CCDC80: variants seen among roughly 807,000 people sequenced by gnomAD.
CCDC80 encodes the protein coiled-coil domain containing 80.
CCDC80 carries 49 observed loss-of-function variants against 78.7 expected under a neutral mutation model. The observed-to-expected ratio is 0.62, with a 90% CI of 0.50 to 0.79. The LOEUF (loss-of-function observed/expected upper bound fraction) is 0.79. Ranked by LOEUF, CCDC80 falls within the 30% of genes least tolerant of loss-of-function variation. The pLI is 0.00. For synonymous variants in CCDC80, 488 were observed against 447.0 expected, an observed-to-expected ratio of 1.09 and a Z score of -1.16; for missense variants, 1,205 against 1,198.6, an observed-to-expected ratio of 1.01 and a Z score of -0.08.
At chr3:112,640,078 G>T (rs1328074944) in intron 1 of CCDC80, 162 bp from the exon 2 acceptor site, 2 of 798,512 alleles carry the variant, frequency 2.5e-6, no homozygotes, top group Non-Finnish European at 3.0e-6. Flanking sequence ...GATGGAAAAT[G>T]GGATGAGATC....
intron 2 of CCDC80, among the ~76,000 whole-genome samples, chr3:112,635,834 A>G (rs573070684): frequency 6.6e-6 from 1 of 152,310 alleles, no homozygotes; most frequent in African/African-American, 2.4e-5. Flanking sequence ...ATTTGCTAGA[A>G]ATTTATAAGC....
In CCDC80 at chr3:112,638,015, G is replaced by A. The variant is rs779719135; in HGVS notation, c.1878+13C>T. 3.2e-6 allele frequency: 5 copies of A among 1,582,008 alleles called. No homozygotes were observed. Among genetic ancestry groups the A allele is most frequent in the Non-Finnish European group, 4.3e-6 (5 of 1,169,536 alleles). On this transcript the variant is annotated intron_variant, in intron 2 of 7. Coordinates refer to ENST00000206423, the MANE Select transcript of CCDC80 (RefSeq NM_199511.3). ...TCAGCCCATAGAAGAATGCCAAGGA[G>A]AAGGCTACTTACAAGGAGTCTTCGT...
At position 112,639,138 on chromosome 3, in the gene CCDC80, G is replaced by T; in HGVS notation, c.768C>A (p.Ala256=). The T allele has an allele frequency of 6.2e-7, 1 of 1,614,140 alleles. No homozygotes were observed. The highest frequency in any genetic ancestry group is 8.5e-7 in the Non-Finnish European group (1 of 1,180,036). Residue 256 remains alanine, a synonymous_variant, in exon 2 of 8, where the codon GCC becomes GCA. Transcript: ENST00000206423. ...ERYPYPVRLE[A]MYEVIDQGPI... ...GGCCTTGGTCGATGACCTCGTACAT[G>T]GCTTCCAGCCTAACGGGATATGGAT... is the stretch of plus-strand genomic sequence containing the variant.
At position 112,639,077 on chromosome 3, in the gene CCDC80, A is replaced by G; in HGVS notation, c.829T>C (p.Phe277Leu). Residue 277 changes from phenylalanine (F) to leucine (L), a missense_variant, in exon 2 of 8, where the codon TTT becomes CTT. By Grantham distance (22) the Phe-to-Leu change is conservative. Coordinates refer to ENST00000206423, the MANE Select transcript of CCDC80 (RefSeq NM_199511.3). ...RRIEKIRQKG[F>L]VQKCKASGVE... ...CCAGAGGCCTTACATTTCTGGACAA[A>G]GCCCTTCTGCCTGATCTTCTCGATC... The G allele has an allele frequency of 6.2e-7, 1 of 1,613,384 alleles. No individual in the cohort carries two copies. The highest frequency in any genetic ancestry group is 2.2e-5 in the East Asian group (1 of 44,862).
At position 112,626,833 on chromosome 3, in the gene CCDC80, C is replaced by A. The variant is rs545402729; in HGVS notation, c.2035+3280G>T. Among the ~76,000 whole-genome samples, 76 of 152,300 alleles carry A rather than the reference C, an allele frequency of 5.0e-4. 2 individuals are homozygous for A. The highest frequency in any genetic ancestry group is 3.4e-3 in the Middle Eastern group (1 of 294). On this transcript the variant is annotated intron_variant, in intron 3 of 7. Transcript: ENST00000206423. ...AAAGTATTGGGATTACAAGCATGAGCCACTGCACCTGGCGTACCATTCTCA... is the reference window on the plus strand; with the variant it reads ...AAAGTATTGGGATTACAAGCATGAGACACTGCACCTGGCGTACCATTCTCA...
In CCDC80 at chr3:112,632,148, G is replaced by A. The variant is rs761278772; in HGVS notation, c.1879-1879C>T. ...TTGGTTTGTTTTTAATTAGCTTTAT[G>A]GCATCTGAAAATATTTCTTCAGATC... On this transcript the variant is annotated intron_variant, in intron 2 of 7. Transcript: ENST00000206423. Among the ~76,000 whole-genome samples, 3 of 152,052 alleles carry A rather than the reference G, an allele frequency of 2.0e-5. No homozygotes were observed. In the South Asian group the frequency reaches 6.2e-4, roughly 32 times the overall value.
At chr3:112,610,915 C>CT (rs11379147) in intron 5 of CCDC80, among the ~76,000 whole-genome samples, 63,296 of 123,182 alleles carry the variant, frequency 0.51, 17,112 homozygotes, top group African/African-American at 0.6. Context: ...TTCTTTCTTT[C>CT]TTTTTTTTTT....
intron 3 of CCDC80, among the ~76,000 whole-genome samples, chr3:112,619,941 CCCTA>C (rs1253509593): frequency 5.3e-5 from 8 of 152,046 alleles, no homozygotes; most frequent in Non-Finnish European, 2.9e-5. Context: ...TATCTCTCAA[CCCTA>C]CCTAAGATTT....
intron 3 of CCDC80, 82 bp downstream of exon 3, chr3:112,630,031 T>A: frequency 1.6e-6 from 2 of 1,288,522 alleles, no homozygotes; most frequent in South Asian, 2.7e-5. Flanking sequence ...TTCTTTTGGA[T>A]CCCCCATGTA....
At chr3:112,621,399 T>G (rs938455562) in intron 3 of CCDC80, among the ~76,000 whole-genome samples, 1 of 152,136 alleles carries the variant, frequency 6.6e-6, no homozygotes, top group Non-Finnish European at 1.5e-5. Flanking sequence ...ACCCCCAGCA[T>G]GCGTGCAAGC....
At chr3:112,609,913 C>T in intron 6 of CCDC80, 65 bp downstream of exon 6, 2 of 1,149,690 alleles carry the variant, frequency 1.7e-6, no homozygotes, top group Non-Finnish European at 1.3e-6. Flanking sequence ...TTCTATGTTC[C>T]ATTTTAGAAT....
At chr3:112,637,131 G>A (rs1267994105) in intron 2 of CCDC80, among the ~76,000 whole-genome samples, 1 of 152,146 alleles carries the variant, frequency 6.6e-6, no homozygotes, top group Non-Finnish European at 1.5e-5. Context: ...TACTCAACAC[G>A]AGTGGCACAA....
At chr3:112,618,302 C>T (rs373608776) in intron 4 of CCDC80, among the ~76,000 whole-genome samples, 272 of 152,232 alleles carry the variant, frequency 1.8e-3, no homozygotes, top group African/African-American at 5.8e-3. Context: ...AGGCAGATCA[C>T]GAGGTCAGGA....
rs142395604 is a variant in CCDC80 at position 112,606,398 on chromosome 3, T to TTTTTGTTTTG, written c.2507-645_2507-636dup. Among the ~76,000 whole-genome samples the TTTTTGTTTTG allele has an allele frequency of 6.1e-3, 900 of 147,920 alleles. 6 individuals are homozygous for TTTTTGTTTTG. Among genetic ancestry groups the TTTTTGTTTTG allele is most frequent in the Middle Eastern group, 0.01 (3 of 288 alleles). On this transcript the variant is annotated intron_variant, in intron 7 of 7. Coordinates refer to ENST00000206423, the MANE Select transcript of CCDC80 (RefSeq NM_199511.3). ...TCTGAAAACTTCAGTCAAGAGTCTT[T>TTTTTGTTTTG]TTTTGTTTTGTTTTGTTTTGTTTTG...
At chr3:112,620,361 G>C (rs1935840945) in intron 3 of CCDC80, among the ~76,000 whole-genome samples, 1 of 152,142 alleles carries the variant, frequency 6.6e-6, no homozygotes, top group Admixed American at 6.5e-5. Context: ...GGAGCTGAGA[G>C]CCTAGATGAG....
Position 112,597,597 on chromosome 3 carries a change from A to G in CCDC80, c.*7820T>C, listed in dbSNP as rs1480345825. On this transcript the variant is annotated 3_prime_UTR_variant, in exon 8 of 8. Coordinates refer to ENST00000206423, the MANE Select transcript of CCDC80 (RefSeq NM_199511.3). ...AGCATCTTTCATGGACATCCAGACA[A>G]TTTCTTAAAGATGGGAGAGGTAAAA... 7 of 152,094 alleles carry G rather than the reference A, an allele frequency of 4.6e-5. No individual in the cohort carries two copies. Among genetic ancestry groups the G allele is most frequent in the Non-Finnish European group, 8.8e-5 (6 of 68,008 alleles). The allele number at this position is 152,094 out of a possible 1,614,324, so 9.4% of individuals were successfully genotyped here.
At chr3:112,619,184 G>A in intron 3 of CCDC80, 80 bp from the exon 4 acceptor site, 1 of 1,293,570 alleles carries the variant, frequency 7.7e-7, no homozygotes, top group Non-Finnish European at 1.0e-6. Flanking sequence ...AAGGCTTTGG[G>A]CCTAATCACA....
rs1425426677 is a variant in CCDC80 at position 112,605,749 on chromosome 3, C to G, written c.2521G>C (p.Glu841Gln). The G allele has an allele frequency of 6.2e-7, 1 of 1,613,544 alleles. No homozygotes were observed. The highest frequency in any genetic ancestry group is 1.1e-5 in the South Asian group (1 of 90,980). The change falls in exon 8 of 8, where the codon GAG (glutamate) becomes CAG (glutamine). Residue 841 changes from glutamate (E) to glutamine (Q), a missense_variant. Transcript: ENST00000206423. ...AAATGGGCTGGTACGTCTTCTCGCT[C>G]AACAACAGAGCTCCCTAGAATAACA... ...LFPINGSSVV[E>Q]REDVPAHLVK...
At chr3:112,629,718 T>A (rs1936056788) in intron 3 of CCDC80, among the ~76,000 whole-genome samples, 1 of 152,138 alleles carries the variant, frequency 6.6e-6, no homozygotes, top group East Asian at 1.9e-4. Context: ...GTCTGGCAAG[T>A]CCCATCTGTG....
Sources: gnomAD v4.1 joint callset for allele counts (sites outside exome capture counted in the v4.1 genomes callset) on GRCh38, gnomAD v4.1.1 for gene constraint, MANE v1.5 for transcripts, NCBI Gene and HGNC (gene_info 2026-07-23, HGNC 2026-07-21) for gene names.